Variants in PCDHA2 observed in about 807,000 individuals in gnomAD.
PCDHA2 encodes protocadherin alpha-2.
In PCDHA2, 58 loss-of-function variants were observed where a neutral mutation model predicts 66.0. The observed-to-expected ratio is 0.88, with a 90% CI of 0.71 to 1.09. The LOEUF (loss-of-function observed/expected upper bound fraction) is 1.09. Ranked by LOEUF, PCDHA2 falls within the 50% of genes least tolerant of loss-of-function variation. The probability of loss-of-function intolerance (pLI) is 0.00; values close to 1 mark genes in which losing one functional copy is unlikely to be tolerated. For synonymous variants in PCDHA2, 634 were observed against 554.0 expected (o/e 1.14, Z -2.03); for missense variants, 1,267 against 1,242.3 (o/e 1.02, Z -0.30).
intron 1 of PCDHA2, among the ~76,000 whole-genome samples, chr5:140,855,633 AT>A (rs1445956184): frequency 6.7e-6 from 1 of 149,874 alleles, no homozygotes; most frequent in Non-Finnish European, 1.5e-5. Flanking sequence ...AAATTCGGCT[AT>A]TGATAATCAT....
intron 1 of PCDHA2, chr5:140,876,299 A>G: frequency 1.2e-6 from 2 of 1,614,062 alleles, no homozygotes; most frequent in South Asian, 2.2e-5. Context: ...CTTAATGGAG[A>G]AATTTCCTAT....
intron 1 of PCDHA2, among the ~76,000 whole-genome samples, chr5:140,800,070 A>T (rs1385440694): frequency 6.6e-6 from 1 of 152,172 alleles, no homozygotes; most frequent in Non-Finnish European, 1.5e-5. Flanking sequence ...TTTTAAAAAA[A>T]CTGGAATCTA....
chr5:140,887,649 T>C (rs2061527192), intron 1 of PCDHA2, among the ~76,000 whole-genome samples: 1 of 152,162 alleles, frequency 6.6e-6, no homozygotes, highest in South Asian at 2.1e-4. Context: ...TTTGTTGATA[T>C]TCTTGGATCT....
intron 1 of PCDHA2, chr5:140,808,477 G>C (rs1764182848): frequency 1.9e-6 from 3 of 1,614,038 alleles, no homozygotes; most frequent in Non-Finnish European, 2.5e-6. Flanking sequence ...CGCGAGACGG[G>C]GGCTCGCCTT....
At chr5:140,953,227 G>A (rs269546) in intron 1 of PCDHA2, among the ~76,000 whole-genome samples, 34,007 of 151,960 alleles carry the variant, frequency 0.22, 4,902 homozygotes, top group African/African-American at 0.41. Flanking sequence ...GCTTCTGCTT[G>A]GTAGCAGTTC....
chr5:140,955,922 GTTCA>G (rs1413540621), intron 1 of PCDHA2, among the ~76,000 whole-genome samples: 2 of 152,138 alleles, frequency 1.3e-5, no homozygotes, highest in African/African-American at 4.8e-5. Flanking sequence ...GTGAATGGGA[GTTCA>G]TTCATAATAT....
At position 140,876,825 on chromosome 5, in the gene PCDHA2, T is replaced by C. The variant is rs200732511; in HGVS notation, c.2388+79473T>C. ...TGGAGGTGGCCGACGTGAACGACAA[T>C]GCGCCTGCGTTCGCGCAGCCCGAGT... On this transcript the variant is annotated intron_variant, in intron 1 of 3. Transcript: ENST00000526136. The C allele has an allele frequency of 2.4e-4, 380 of 1,614,056 alleles. 4 individuals carry two copies. The East Asian group carries it at 3.4e-3, about 15-fold the overall frequency.
Position 140,830,236 on chromosome 5 carries a change from A to G in PCDHA2, c.2388+32884A>G, listed in dbSNP as rs148703931. On this transcript the variant is annotated intron_variant, in intron 1 of 3. Transcript: ENST00000526136. The stretch of plus-strand genomic sequence containing the variant: ...TATCCAGCCTGCTGGTCCTCACGCT[A>G]CTGCTGTACACAGCGCTGCGGTGCT... 2,313 of 1,613,834 alleles carry G rather than the reference A, an allele frequency of 1.4e-3. 31 individuals are homozygous for G. The African/African-American group carries it at 0.027, about 19-fold the overall frequency.
At chr5:140,806,766 A>AT (rs143704986) in intron 1 of PCDHA2, among the ~76,000 whole-genome samples, 1,547 of 152,368 alleles carry the variant, frequency 0.01, 29 homozygotes, top group African/African-American at 0.036. Flanking sequence ...GGTCTCTGTA[A>AT]TACTTAAAAC....
chr5:140,912,007 C>A lies in PCDHA2; in HGVS notation c.2389-66942C>A, dbSNP rs572487277. Among the ~76,000 whole-genome samples, 3 of 152,282 alleles carry A rather than the reference C, an allele frequency of 2.0e-5. No homozygotes were observed. The East Asian group carries it at 5.8e-4, about 29-fold the overall frequency. On this transcript the variant is annotated intron_variant, in intron 1 of 3. Coordinates refer to ENST00000526136, the MANE Select transcript of PCDHA2 (RefSeq NM_018905.3). ...ACAAGGTCCCACAATAGGCCATCTGCAAGCTGAGGAGCAAGCAAGCCAATC... is the reference window on the plus strand; with the variant it reads ...ACAAGGTCCCACAATAGGCCATCTGAAAGCTGAGGAGCAAGCAAGCCAATC...
rs151115812 is a variant in PCDHA2, at chr5:140,834,685, A to G, written c.2388+37333A>G. 2.2e-3 allele frequency: 3,569 copies of G among 1,614,218 alleles called. 59 individuals carry two copies. The African/African-American group carries it at 0.04, about 18-fold the overall frequency. The stretch of plus-strand genomic sequence containing the variant: ...GAGGAGCTGTGCGGGCGGAGCGCGG[A>G]GTGCAGCATCCACCTGGAGGTGATC... On this transcript the variant is annotated intron_variant, in intron 1 of 3. Coordinates refer to ENST00000526136, the MANE Select transcript of PCDHA2 (RefSeq NM_018905.3).
At chr5:140,858,308 C>T in intron 1 of PCDHA2, 1 of 1,597,268 alleles carries the variant, frequency 6.3e-7, no homozygotes, top group Non-Finnish European at 8.6e-7. Context: ...GCAGAGGCGG[C>T]AGAGGGTGTG....
intron 1 of PCDHA2, among the ~76,000 whole-genome samples, chr5:140,941,032 T>C (rs1321810263): frequency 6.6e-6 from 1 of 152,222 alleles, no homozygotes; most frequent in Non-Finnish European, 1.5e-5. Flanking sequence ...CTGGCCTTTT[T>C]GGTGCCAAGT....
At chr5:140,881,147 A>G (rs982102013) in intron 1 of PCDHA2, among the ~76,000 whole-genome samples, 3 of 152,238 alleles carry the variant, frequency 2.0e-5, no homozygotes, top group Non-Finnish European at 4.4e-5. Context: ...ATAACAATAG[A>G]TAAAAGTAAG....
At chr5:140,850,698 GGC>G in intron 1 of PCDHA2, 1 of 1,598,220 alleles carries the variant, frequency 6.3e-7, no homozygotes, top group Non-Finnish European at 8.6e-7. Context: ...GTGCGCGCCT[GGC>G]AAGCCGACGC....
At chr5:140,892,707 G>A (rs958500270) in intron 1 of PCDHA2, among the ~76,000 whole-genome samples, 1 of 152,136 alleles carries the variant, frequency 6.6e-6, no homozygotes, top group African/African-American at 2.4e-5. Flanking sequence ...AGGGTAATTA[G>A]CATATTCATA....
Position 140,877,064 on chromosome 5 carries a change from T to C in PCDHA2, c.2388+79712T>C, listed in dbSNP as rs2056824961. On this transcript the variant is annotated intron_variant, in intron 1 of 3. Coordinates refer to ENST00000526136, the MANE Select transcript of PCDHA2 (RefSeq NM_018905.3). ...CTAGACCACGAGGAGCTGGAGCTGC[T>C]GCAGTTCCAGGTGAGCGCGCGCGAC... is the stretch of plus-strand genomic sequence containing the variant. The C allele has an allele frequency of 6.2e-7, 1 of 1,612,896 alleles. No homozygotes were observed. Among genetic ancestry groups the C allele is most frequent in the Non-Finnish European group, 8.5e-7 (1 of 1,179,856 alleles).
intron 1 of PCDHA2, chr5:140,862,278 C>G (rs1367349322): frequency 7.9e-6 from 2 of 252,960 alleles, no homozygotes; most frequent in Middle Eastern, 1.4e-3. Context: ...CTATCATTCC[C>G]TGTACAGGAG....
Position 141,009,792 on chromosome 5 carries a change from C to T in PCDHA2, c.2702C>T (p.Pro901Leu). Residue 901 changes from proline (P) to leucine (L), a missense_variant, in exon 4 of 4, where the codon CCT (proline) becomes CTT (leucine). Physicochemically the swap from Pro to Leu is moderately conservative, Grantham distance 98. Transcript: ENST00000526136. ...GCAATCATCTCCATCCGGCAGGAGC[C>T]TACTAACAGCCAAATTGACAAAAGT... ...SPAIISIRQEPTNSQIDKSDF... is the reference protein window; with the variant it reads ...SPAIISIRQELTNSQIDKSDF... 1 of 1,614,068 alleles carries T rather than the reference C, an allele frequency of 6.2e-7. No individual in the cohort carries two copies. The highest frequency in any genetic ancestry group is 8.5e-7 in the Non-Finnish European group (1 of 1,180,026).
Sources: allele counts gnomAD v4.1 joint callset (sites outside exome capture counted in the v4.1 genomes callset), GRCh38; gene constraint gnomAD v4.1.1; transcripts MANE v1.5; gene names NCBI Gene and HGNC (gene_info 2026-07-23, HGNC 2026-07-21).